The following CDS2 variants were observed in gnomAD, a reference collection of about 807,000 sequenced individuals.
CDS2 encodes the protein phosphatidate cytidylyltransferase 2.
Under a neutral mutation model 59.0 loss-of-function variants are expected in CDS2, and 47 were observed. That is an observed-to-expected ratio of 0.80 (90% CI 0.63 to 1.02). The LOEUF (loss-of-function observed/expected upper bound fraction) is 1.02, where lower values mean the gene tolerates loss of function less well. CDS2 is among the 50% of genes least tolerant of loss of function. CDS2 has a pLI of 0.00. For synonymous variants in CDS2, 207 were observed against 206.4 expected (o/e 1.00, Z -0.02); for missense variants, 356 against 558.9 (o/e 0.64, Z 3.66).
At chr20:5,154,453 C>T (rs1264024116) in intron 1 of CDS2, among the ~76,000 whole-genome samples, 1 of 152,190 alleles carries the variant, frequency 6.6e-6, no homozygotes. Flanking sequence ...AGTGAATAAA[C>T]AAAGTCTCTT....
rs757413433 is a variant in CDS2 at position 5,184,973 on chromosome 20, C to A, written c.759+28C>A. 8.7e-6 allele frequency: 13 copies of A among 1,499,950 alleles called. No individual in the cohort carries two copies. In the Admixed American group the frequency reaches 1.5e-4, roughly 17 times the overall value. The allele number at this position is 1,499,950 out of a possible 1,614,324, so 92.9% of individuals were successfully genotyped here. ...AAATGGATTACCCTAATGTGAAATA[C>A]CACTGTGAGGGGAGGGTGGTGCTCT... On this transcript the variant is annotated intron_variant, in intron 8 of 12. Coordinates refer to ENST00000460006, the MANE Select transcript of CDS2 (RefSeq NM_003818.4). The surrounding 1 kb of genome is among the most constrained non-coding windows in gnomAD (Gnocchi z 4.3).
intron 1 of CDS2, among the ~76,000 whole-genome samples, chr20:5,144,189 T>A (rs2090720495): frequency 1.3e-5 from 2 of 152,236 alleles, no homozygotes; most frequent in South Asian, 4.1e-4. Flanking sequence ...CTTCTTGGTT[T>A]TAATTTCTTC....
intron 1 of CDS2, among the ~76,000 whole-genome samples, chr20:5,148,757 G>C (rs2090765028): frequency 6.6e-6 from 1 of 152,180 alleles, no homozygotes; most frequent in Non-Finnish European, 1.5e-5. Context: ...TTGTGATTTT[G>C]GGAGCGTAAA....
At chr20:5,155,562 C>T (rs1568534088) in intron 1 of CDS2, among the ~76,000 whole-genome samples, 2 of 152,178 alleles carry the variant, frequency 1.3e-5, no homozygotes, top group Non-Finnish European at 2.9e-5. Flanking sequence ...GTAGCCATGT[C>T]GATCTCTGCT....
chr20:5,160,731 C>G (rs6116668), intron 1 of CDS2, among the ~76,000 whole-genome samples: 1 of 152,178 alleles, frequency 6.6e-6, no homozygotes, highest in Non-Finnish European at 1.5e-5. Context: ...CCCCCAGCCC[C>G]TGACAACCAC....
intron 11 of CDS2, 83 bp downstream of exon 11, chr20:5,189,269 A>G (rs1255274492): frequency 1.3e-6 from 2 of 1,517,474 alleles, no homozygotes; most frequent in Admixed American, 1.7e-5. Flanking sequence ...CCCCTCCAAA[A>G]TACTAGGCTG....
chr20:5,170,610 C>G (rs1341734422), intron 1 of CDS2, among the ~76,000 whole-genome samples: 1 of 152,202 alleles, frequency 6.6e-6, no homozygotes, highest in Non-Finnish European at 1.5e-5. Context: ...ACCTGTTCGG[C>G]CCTGTCTCAG....
intron 1 of CDS2, among the ~76,000 whole-genome samples, chr20:5,130,168 T>G (rs1449255017): frequency 6.6e-6 from 1 of 151,850 alleles, no homozygotes; most frequent in Non-Finnish European, 1.5e-5. Flanking sequence ...AGAGACGAGG[T>G]TTCACCATGT....
rs372244723 is a variant in CDS2 at position 5,189,839 on chromosome 20, G to C, written c.1205+1G>C. 1 of 1,606,954 alleles carries C rather than the reference G, an allele frequency of 6.2e-7. No individual in the cohort carries two copies. Among genetic ancestry groups the C allele is most frequent in the Non-Finnish European group, 8.5e-7 (1 of 1,174,548 alleles). Reference sequence around the variant, plus strand: ...ATGTATACATCGCCAGTTTTATCAGGTATAGTACCTTTCCATCTGAACCAA... The same window carrying C: ...ATGTATACATCGCCAGTTTTATCAGCTATAGTACCTTTCCATCTGAACCAA... On this transcript the variant is annotated splice_donor_variant, in intron 12 of 12. Coordinates refer to ENST00000460006, the MANE Select transcript of CDS2 (RefSeq NM_003818.4). LOFTEE classifies it high-confidence loss of function.
At chr20:5,181,709 GGTATAGCC>G (rs2091034925) in intron 5 of CDS2, among the ~76,000 whole-genome samples, 1 of 152,108 alleles carries the variant, frequency 6.6e-6, no homozygotes, top group African/African-American at 2.4e-5. Context: ...AGACCTAGAT[GGTATAGCC>G]TCCTACACAC....
chr20:5,188,430 C>G (rs183903711), intron 10 of CDS2, among the ~76,000 whole-genome samples: 1 of 152,276 alleles, frequency 6.6e-6, no homozygotes, highest in Admixed American at 6.5e-5. Context: ...GCTGGATTTT[C>G]TTTATATACT....
At chr20:5,145,822 G>GGTTTTTTTTTTTTTTTTTTTTT (rs773575866) in intron 1 of CDS2, among the ~76,000 whole-genome samples, 1 of 129,262 alleles carries the variant, frequency 7.7e-6, no homozygotes, top group African/African-American at 3.0e-5. Context: ...TGCTTTTTGT[G>GGTTTTTTTTTTTTTTTTTTTTT]TTTTTTTTTT....
intron 1 of CDS2, among the ~76,000 whole-genome samples, chr20:5,163,976 A>C (rs2090895464): frequency 6.6e-6 from 1 of 151,672 alleles, no homozygotes; most frequent in South Asian, 2.1e-4. Context: ...TTTTTAGTAG[A>C]GACGGAGTTT....
intron 10 of CDS2, among the ~76,000 whole-genome samples, chr20:5,188,501 C>T (rs1291691366): frequency 6.6e-6 from 1 of 152,126 alleles, no homozygotes; most frequent in African/African-American, 2.4e-5. Flanking sequence ...TTTCCATTAA[C>T]TTAGATATTA....
At chr20:5,180,967 C>T (rs1013124632) in intron 5 of CDS2, among the ~76,000 whole-genome samples, 1 of 152,086 alleles carries the variant, frequency 6.6e-6, no homozygotes, top group Admixed American at 6.5e-5. Context: ...ACAGCTCGGA[C>T]ACAAAGTGAT....
At chr20:5,169,633 C>T (rs1474171079) in intron 1 of CDS2, among the ~76,000 whole-genome samples, 1 of 152,164 alleles carries the variant, frequency 6.6e-6, no homozygotes, top group Admixed American at 6.5e-5. Flanking sequence ...CACTCATGAA[C>T]ATATGCATAT....
chr20:5,143,847 C>G (rs936182338), intron 1 of CDS2, among the ~76,000 whole-genome samples: 6 of 151,342 alleles, frequency 4.0e-5, no homozygotes, highest in Non-Finnish European at 5.9e-5. Flanking sequence ...TTACTACAAC[C>G]TCTGCCTCCT....
intron 1 of CDS2, among the ~76,000 whole-genome samples, chr20:5,144,358 A>G (rs2090721941): frequency 6.6e-6 from 1 of 152,158 alleles, no homozygotes; most frequent in Non-Finnish European, 1.5e-5. Context: ...TTTGCTCTCA[A>G]GTGACCCAGT....
rs761980130 is a variant in CDS2 at position 5,179,470 on chromosome 20, C to T, written c.529+514C>T. 6.4e-4 allele frequency among the ~76,000 whole-genome samples: 97 copies of T among 152,272 alleles called. 1 individual carries two copies. Among genetic ancestry groups the T allele is most frequent in the Non-Finnish European group, 1.3e-3 (89 of 68,020 alleles). On this transcript the variant is annotated intron_variant, in intron 5 of 12. Coordinates refer to ENST00000460006, the MANE Select transcript of CDS2 (RefSeq NM_003818.4). ...GCAGAGTGTAGGGGCAGGACTGTGGCCTGTGCCACCTGCCCCTGTGTTTCA... is the reference window on the plus strand; with the variant it reads ...GCAGAGTGTAGGGGCAGGACTGTGGTCTGTGCCACCTGCCCCTGTGTTTCA...
Sources: gnomAD v4.1 joint callset for allele counts (sites outside exome capture counted in the v4.1 genomes callset) on GRCh38, gnomAD v4.1.1 for gene constraint, Gnocchi (gnomAD v3.1) non-coding constraint, MANE v1.5 for transcripts, NCBI Gene and HGNC (gene_info 2026-07-23, HGNC 2026-07-21) for gene names.